OGFR: variants seen among roughly 807,000 people sequenced by gnomAD.
The protein encoded by OGFR is opioid growth factor receptor.
Under a neutral mutation model 33.6 loss-of-function variants are expected in OGFR, and 18 were observed. The observed-to-expected ratio is 0.54, with a 90% CI of 0.37 to 0.80. OGFR has a LOEUF of 0.80. Ranked by LOEUF, OGFR falls within the 30% of genes least tolerant of loss-of-function variation. The probability of loss-of-function intolerance (pLI) is 0.00; values close to 1 mark genes in which losing one functional copy is unlikely to be tolerated. For missense variants in OGFR, 877 were observed against 955.8 expected (o/e 0.92, Z 1.09); for synonymous variants, 370 against 400.7 (o/e 0.92, Z 0.91).
chr20:62,810,296 C>A (rs556774883), intron 4 of OGFR, among the ~76,000 whole-genome samples: 2 of 152,160 alleles, frequency 1.3e-5, no homozygotes, highest in Non-Finnish European at 2.9e-5. Context: ...CTGTGACTTA[C>A]GCACCACACA....
chr20:62,812,434 C>G lies in OGFR; in HGVS notation c.819C>G (p.Phe273Leu), dbSNP rs777571249. ...CRHQRRQLVH[F>L]AWEHFRPRCK... Reference sequence around the variant, plus strand: ...ACCAGCGCCGCCAGCTGGTGCACTTCGCCTGGGAGCACTTCCGGCCCCGCT... The same window carrying G: ...ACCAGCGCCGCCAGCTGGTGCACTTGGCCTGGGAGCACTTCCGGCCCCGCT... The change falls in exon 7 of 7, where the codon TTC (phenylalanine) becomes TTG (leucine). Residue 273 changes from phenylalanine to leucine, a missense_variant. Coordinates refer to ENST00000290291, the MANE Select transcript of OGFR (RefSeq NM_007346.4). 7 of 1,579,258 alleles carry G rather than the reference C, an allele frequency of 4.4e-6. No individual in the cohort carries two copies. The highest frequency in any genetic ancestry group is 6.0e-6 in the Non-Finnish European group (7 of 1,163,424).
At chr20:62,810,356 T>G in intron 4 of OGFR, 143 bp from the exon 5 acceptor site, 1 of 721,574 alleles carries the variant, frequency 1.4e-6, no homozygotes, top group East Asian at 2.7e-5. Context: ...CCACCCTCGC[T>G]CCTCCACCTA....
chr20:62,805,191 G>C (rs1001067217), intron 1 of OGFR, among the ~76,000 whole-genome samples, 161 bp downstream of exon 1: 1 of 151,822 alleles, frequency 6.6e-6, no homozygotes, highest in Non-Finnish European at 1.5e-5. Context: ...CCAGCCCCAG[G>C]GCCCGGCGGG....
intron 3 of OGFR, 151 bp downstream of exon 3, chr20:62,808,476 C>T: frequency 1.6e-6 from 1 of 631,724 alleles, no homozygotes. Context: ...GCCAGAGGGA[C>T]TCCAGGATCC....
chr20:62,813,943 GCTTTT>G lies in OGFR; in HGVS notation c.*298_*302del, dbSNP rs1767503793. On this transcript the variant is annotated 3_prime_UTR_variant, in exon 7 of 7. Coordinates refer to ENST00000290291, the MANE Select transcript of OGFR (RefSeq NM_007346.4). The stretch of plus-strand genomic sequence containing the variant: ...GGAGTGGGGGGCGGCGGGCAGGGCT[GCTTTT>G]CTTAGTCTGATACCAAGCAAGGCCT... 1.9e-6 allele frequency: 1 copy of G among 532,640 alleles called. No homozygotes were observed. The allele number at this position is 532,640 out of a possible 1,614,324, so 33.0% of individuals were successfully genotyped here.
chr20:62,812,408 C>T lies in OGFR; in HGVS notation c.793C>T (p.His265Tyr), dbSNP rs1043110211. 1.3e-6 allele frequency: 2 copies of T among 1,583,480 alleles called. No homozygotes were observed. The highest frequency in any genetic ancestry group is 1.3e-5 in the African/African-American group (1 of 74,198). ...CTTCATGTTCGCCGTGCGCTGCCGACACCAGCGCCGCCAGCTGGTGCACTT... is the reference window on the plus strand; with the variant it reads ...CTTCATGTTCGCCGTGCGCTGCCGATACCAGCGCCGCCAGCTGGTGCACTT... ...DYFMFAVRCR[H>Y]QRRQLVHFAW... The change falls in exon 7 of 7, where the codon CAC (histidine) becomes TAC (tyrosine). Residue 265 changes from histidine (H) to tyrosine (Y), a missense_variant. Physicochemically the swap from His to Tyr is moderately conservative, Grantham distance 83. Transcript: ENST00000290291.
chr20:62,810,642 C>T (rs1990705134), intron 5 of OGFR, 77 bp downstream of exon 5: 9 of 1,425,100 alleles, frequency 6.3e-6, no homozygotes, highest in South Asian at 1.2e-5. Context: ...GAGACGGGGT[C>T]GCCTCTGGCA....
At chr20:62,808,452 G>GC in intron 3 of OGFR, 127 bp downstream of exon 3, 1 of 701,722 alleles carries the variant, frequency 1.4e-6, no homozygotes, top group Non-Finnish European at 2.5e-6. Flanking sequence ...GCCCCACAGT[G>GC]CCCCCTGGAG....
intron 6 of OGFR, 74 bp downstream of exon 6, chr20:62,811,684 A>G: frequency 4.2e-6 from 6 of 1,437,040 alleles, no homozygotes; most frequent in Non-Finnish European, 5.6e-6. Context: ...GGCAGGTCAC[A>G]GAGCGCTGCT....
At position 62,811,626 on chromosome 20, in the gene OGFR, T is replaced by TTGCCCCCCCCCCCC; in HGVS notation, c.614+16_614+17insTGCCCCCCCCCCCC. On this transcript the variant is annotated intron_variant, in intron 6 of 6. Transcript: ENST00000290291. ...ACCTGAACTGGTGAGGCCCGGCTGC[T>TTGCCCCCCCCCCCC]CCCGCCCACCCCCACCCCGGCGCAG... 1.3e-6 allele frequency: 2 copies of TTGCCCCCCCCCCCC among 1,502,528 alleles called. No homozygotes were observed. Among genetic ancestry groups the TTGCCCCCCCCCCCC allele is most frequent in the Non-Finnish European group, 1.8e-6 (2 of 1,110,124 alleles). The allele number at this position is 1,502,528 out of a possible 1,614,324, so 93.1% of individuals were successfully genotyped here. A position where few individuals can be genotyped will look rare whatever the true frequency, so the allele number is the denominator to read the frequency against.
intron 3 of OGFR, among the ~76,000 whole-genome samples, chr20:62,809,367 A>G (rs1003583282): frequency 1.3e-5 from 2 of 152,370 alleles, no homozygotes; most frequent in Admixed American, 6.5e-5. Context: ...ACAAGGGTCC[A>G]GGTCACAGAT....
chr20:62,809,274 G>T (rs1270766700), intron 3 of OGFR, among the ~76,000 whole-genome samples: 2 of 152,202 alleles, frequency 1.3e-5, no homozygotes, highest in African/African-American at 4.8e-5. Flanking sequence ...GCCCCCTCCT[G>T]TACAGACAGG....
Position 62,808,353 on chromosome 20 carries a change from G to T in OGFR, c.319+28G>T, listed in dbSNP as rs373149070. The T allele has an allele frequency of 4.5e-6, 7 of 1,570,016 alleles. No homozygotes were observed. In the South Asian group the frequency reaches 7.8e-5, roughly 17 times the overall value. On this transcript the variant is annotated intron_variant, in intron 3 of 6. Transcript: ENST00000290291. ...AGGTGCCTCACAACCACTGGCAGCC[G>T]GCGCTTCCATCCTTGCCTGGCAGGG...
chr20:62,808,208 C>T (rs770734804), intron 2 of OGFR, 39 bp from the exon 3 acceptor site: 3 of 1,522,250 alleles, frequency 2.0e-6, no homozygotes, highest in Non-Finnish European at 2.7e-6. Context: ...CAGCTTGTGT[C>T]TGATGGATCC....
At chr20:62,808,879 G>C (rs973061068) in intron 3 of OGFR, among the ~76,000 whole-genome samples, 1 of 149,916 alleles carries the variant, frequency 6.7e-6, no homozygotes, top group Admixed American at 6.7e-5. Context: ...GGAGGCTGAG[G>C]CAGGAGAATC....
intron 5 of OGFR, 102 bp downstream of exon 5, chr20:62,810,667 C>G: frequency 1.8e-6 from 2 of 1,090,932 alleles, no homozygotes; most frequent in Admixed American, 3.7e-5. Context: ...GCATTTGGTG[C>G]CCCCTCAGGG....
At chr20:62,811,641 C>T (rs1434507588) in intron 6 of OGFR, 31 bp downstream of exon 6, 1 of 1,532,844 alleles carries the variant, frequency 6.5e-7, no homozygotes, top group Non-Finnish European at 8.8e-7. Flanking sequence ...CCCACCCCCA[C>T]CCCGGCGCAG....
Position 62,804,844 on chromosome 20 carries a change from C to CCCG in OGFR, c.-6_-4dup. ...TTTCGCTTCCGCCTCCAGCGCGAGC[C>CCCG]CCGCCGCCGCCGAGCATGGACGACC... On this transcript the variant is annotated 5_prime_UTR_variant, in exon 1 of 7. Transcript: ENST00000290291. 1 of 1,448,530 alleles carries CCCG rather than the reference C, an allele frequency of 6.9e-7. No homozygotes were observed. The highest frequency in any genetic ancestry group is 3.1e-5 in the East Asian group (1 of 32,734). The allele number at this position is 1,448,530 out of a possible 1,614,324, so 89.7% of individuals were successfully genotyped here.
At position 62,813,407 on chromosome 20, in the gene OGFR, C is replaced by T; in HGVS notation, c.1792C>T (p.Pro598Ser). The part of the protein sequence containing the change: ...GPTRDEPAES[P>S]SETPGPRPAG... ...TACAAGGGATGAGCCAGCCGAGAGC[C>T]CATCGGAGACCCCAGGCCCCCGCCC... Residue 598 changes from proline to serine, a missense_variant, in exon 7 of 7, where the codon CCA (proline) becomes TCA (serine). Pro to Ser is a moderately conservative substitution (Grantham distance 74, BLOSUM62 -1). Coordinates refer to ENST00000290291, the MANE Select transcript of OGFR (RefSeq NM_007346.4). 6.5e-7 allele frequency: 1 copy of T among 1,545,376 alleles called. No homozygotes were observed. The highest frequency in any genetic ancestry group is 8.6e-7 in the Non-Finnish European group (1 of 1,159,696).
Sources: gnomAD v4.1 joint callset for allele counts (sites outside exome capture counted in the v4.1 genomes callset) on GRCh38, gnomAD v4.1.1 for gene constraint, MANE v1.5 for transcripts, NCBI Gene and HGNC (gene_info 2026-07-23, HGNC 2026-07-21) for gene names.